The following GLIS3 variants were observed in gnomAD, a reference collection of about 807,000 sequenced individuals.
GLIS3 encodes zinc finger protein GLIS3.
Under a neutral mutation model 78.6 loss-of-function variants are expected in GLIS3, and 53 were observed. The observed-to-expected ratio is 0.67, with a 90% CI of 0.54 to 0.85. GLIS3 has a LOEUF of 0.85. Among genes scored for constraint, GLIS3 ranks in the 40% least tolerant of loss-of-function variants. GLIS3 has a pLI of 0.00. For synonymous variants in GLIS3, 684 were observed against 509.9 expected (o/e 1.34, Z -4.60); for missense variants, 1,703 against 1,231.1 (o/e 1.38, Z -5.74).
chr9:3,873,487 T>C (rs1484101690), intron 8 of GLIS3, among the ~76,000 whole-genome samples: 1 of 152,054 alleles, frequency 6.6e-6, no homozygotes, highest in Non-Finnish European at 1.5e-5. Context: ...ATCAGTTAAA[T>C]AGAAGGAATA....
intron 2 of GLIS3, among the ~76,000 whole-genome samples, chr9:4,163,818 G>A (rs1240531695): frequency 6.6e-6 from 1 of 152,176 alleles, no homozygotes; most frequent in Non-Finnish European, 1.5e-5. Flanking sequence ...GTTGGTGGTG[G>A]TGGTTTTGTT....
At chr9:4,019,236 C>T (rs181631689) in intron 4 of GLIS3, among the ~76,000 whole-genome samples, 1 of 152,300 alleles carries the variant, frequency 6.6e-6, no homozygotes, top group Admixed American at 6.5e-5. Flanking sequence ...GTGCTCTCAT[C>T]TTTGTGACTC....
At chr9:4,315,581 G>C (rs1336084177) in intron 2 of GLIS3, among the ~76,000 whole-genome samples, 9 of 152,068 alleles carry the variant, frequency 5.9e-5, no homozygotes, top group African/African-American at 1.2e-4. Context: ...TAGAAATAGA[G>C]TTTTCCATGG....
chr9:4,124,083 G>GAAATACACAAACCAAGGCTC (rs1832387623), intron 3 of GLIS3, among the ~76,000 whole-genome samples: 2 of 152,014 alleles, frequency 1.3e-5, no homozygotes, highest in South Asian at 2.1e-4. Flanking sequence ...CTCCATTGAT[G>GAAATACACAAACCAAGGCTC]AAATACACAA....
chr9:4,236,184 C>CAAAAAAAAAAAA (rs59839951), intron 2 of GLIS3, among the ~76,000 whole-genome samples: 5 of 84,288 alleles, frequency 5.9e-5, no homozygotes, highest in Non-Finnish European at 9.0e-5. Context: ...GTGGTTGTCA[C>CAAAAAAAAAAAA]AAAAAAAAAA....
chr9:3,942,363 A>C (rs748304961), intron 4 of GLIS3, among the ~76,000 whole-genome samples: 5 of 152,182 alleles, frequency 3.3e-5, no homozygotes, highest in Admixed American at 6.5e-5. Context: ...GCAAGAACTG[A>C]CTGACGAAGT....
chr9:4,435,274 G>A, the GLIS3 span, among the ~76,000 whole-genome samples: 2 of 152,128 alleles, frequency 1.3e-5, no homozygotes, highest in Non-Finnish European at 2.9e-5. Flanking sequence ...GAATTATAAT[G>A]GATTGTAAAA....
intron 6 of GLIS3, among the ~76,000 whole-genome samples, chr9:3,922,710 A>C (rs1588234538): frequency 6.6e-6 from 1 of 152,168 alleles, no homozygotes; most frequent in Admixed American, 6.5e-5. Flanking sequence ...GCTACCAAAA[A>C]CACTTGTAAA....
At chr9:4,221,345 C>G (rs1382008308) in intron 2 of GLIS3, among the ~76,000 whole-genome samples, 1 of 152,010 alleles carries the variant, frequency 6.6e-6, no homozygotes, top group Non-Finnish European at 1.5e-5. Flanking sequence ...AAATTTAAAA[C>G]TTAACCAAAA....
chr9:3,898,674 G>A lies in GLIS3; in HGVS notation c.2128+17C>T, dbSNP rs1267283287. ...AAAAAGGGTAGTTGTGGTTGGCTCT[G>A]CCTTTGCTGTCTTTACCTGAATAGA... On this transcript the variant is annotated intron_variant, in intron 7 of 10. Transcript: ENST00000381971. 1.9e-6 allele frequency: 3 copies of A among 1,614,034 alleles called. No individual in the cohort carries two copies. Among genetic ancestry groups the A allele is most frequent in the East Asian group, 4.5e-5 (2 of 44,872 alleles).
At chr9:4,367,089 A>G in the GLIS3 span, among the ~76,000 whole-genome samples, 1 of 152,208 alleles carries the variant, frequency 6.6e-6, no homozygotes, top group Admixed American at 6.5e-5. Context: ...AAACCCTTCT[A>G]ATTTCAATGA....
At chr9:4,351,789 A>T (rs1470938946), upstream of GLIS3, among the ~76,000 whole-genome samples, 2 of 152,174 alleles carry the variant, frequency 1.3e-5, no homozygotes, top group African/African-American at 4.8e-5. Context: ...CTCTTCAAAG[A>T]ATCCAATTTT....
chr9:4,159,582 G>T (rs1158070520), intron 2 of GLIS3, among the ~76,000 whole-genome samples: 1 of 152,150 alleles, frequency 6.6e-6, no homozygotes, highest in Non-Finnish European at 1.5e-5. Context: ...AACTGGGCAT[G>T]GTGGCACATG....
the GLIS3 span, among the ~76,000 whole-genome samples, chr9:4,385,802 AAAGAAAGAAAAG>A: frequency 3.3e-5 from 2 of 60,142 alleles, no homozygotes; most frequent in African/African-American, 1.6e-4. Context: ...AGAAAGAAAG[AAAGAAAGAAAAG>A]AAAGAAAGAG....
At position 3,879,553 on chromosome 9, in the gene GLIS3, G is replaced by C. The variant is rs1315286140; in HGVS notation, c.2171C>G (p.Ala724Gly). ...SSNYSSRSGT[A>G]AGAVPPPHPV... ...ATGTGGGGGTGGTACGGCCCCAGCAGCTGTTCCACTTCGGCTTGAATAATT... is the reference window on the plus strand; with the variant it reads ...ATGTGGGGGTGGTACGGCCCCAGCACCTGTTCCACTTCGGCTTGAATAATT... Residue 724 changes from alanine (A) to glycine (G), a missense_variant, in exon 8 of 11, where the codon GCT (alanine) becomes GGT (glycine). Physicochemically the swap from Ala to Gly is moderately conservative, Grantham distance 60. Transcript: ENST00000381971. 3 of 1,614,008 alleles carry C rather than the reference G, an allele frequency of 1.9e-6. No individual in the cohort carries two copies. Among genetic ancestry groups the C allele is most frequent in the Middle Eastern group, 1.6e-4 (1 of 6,082 alleles).
At chr9:4,488,670 G>T in the GLIS3 span, among the ~76,000 whole-genome samples, 1 of 151,666 alleles carries the variant, frequency 6.6e-6, no homozygotes, top group Non-Finnish European at 1.5e-5. Flanking sequence ...CAGGTGCATG[G>T]CCCTAAACCC....
chr9:4,295,994 A>C (rs1380114579), intron 1 of GLIS3, among the ~76,000 whole-genome samples: 1 of 152,146 alleles, frequency 6.6e-6, no homozygotes, highest in African/African-American at 2.4e-5. Flanking sequence ...TCTATGAACC[A>C]ACCAAACTTA....
chr9:4,384,666 T>C, the GLIS3 span, among the ~76,000 whole-genome samples: 1 of 152,036 alleles, frequency 6.6e-6, no homozygotes. Context: ...ACCTAAATCA[T>C]GGTCTCCCAG....
chr9:4,461,907 T>C, the GLIS3 span, among the ~76,000 whole-genome samples: 4 of 152,226 alleles, frequency 2.6e-5, no homozygotes, highest in African/African-American at 9.6e-5. Context: ...CAAAACTTAA[T>C]CTGAGAATGA....
Sources: gnomAD v4.1 joint callset for allele counts (sites outside exome capture counted in the v4.1 genomes callset) on GRCh38, gnomAD v4.1.1 for gene constraint, MANE v1.5 for transcripts, NCBI Gene and HGNC (gene_info 2026-07-23, HGNC 2026-07-21) for gene names.